The following TGFB2 variants were observed in gnomAD, a reference collection of about 807,000 sequenced individuals.
TGFB2 encodes transforming growth factor beta 2, also known as transforming growth factor beta-2 proprotein.
TGFB2 carries 13 observed loss-of-function variants against 42.7 expected under a neutral mutation model. That is an observed-to-expected ratio of 0.30 (90% CI 0.20 to 0.48). The LOEUF (loss-of-function observed/expected upper bound fraction) is 0.48. Ranked by LOEUF, TGFB2 falls within the 20% of genes least tolerant of loss-of-function variation. The pLI, the probability that TGFB2 is intolerant of heterozygous loss-of-function variation, is 0.99. For missense variants in TGFB2, 390 were observed against 517.5 expected, an observed-to-expected ratio of 0.75 and a Z score of 2.39; for synonymous variants, 193 against 193.6, an observed-to-expected ratio of 1.00 and a Z score of 0.03.
At chr1:218,386,234 C>G (rs987038771) in intron 1 of TGFB2, among the ~76,000 whole-genome samples, 4 of 152,186 alleles carry the variant, frequency 2.6e-5, no homozygotes, top group Non-Finnish European at 5.9e-5. Context: ...CTTTCTGTTT[C>G]AGCTGTATAC....
chr1:218,346,368 A>G lies in TGFB2; in HGVS notation c.-334A>G. 1 of 219,542 alleles carries G rather than the reference A, an allele frequency of 4.6e-6. No homozygotes were observed. The allele number at this position is 219,542 out of a possible 1,614,324, so 13.6% of individuals were successfully genotyped here. A position where few individuals can be genotyped will look rare whatever the true frequency, so the allele number is the denominator to read the frequency against. ...ACTGAACTCCACTTCCTCCTCTTAA[A>G]TTTATTTCTACTTAATAGCCACTCG... On this transcript the variant is annotated 5_prime_UTR_variant, in exon 1 of 7. Coordinates refer to ENST00000366930, the MANE Select transcript of TGFB2 (RefSeq NM_003238.6). The surrounding 1 kb of genome is among the most constrained non-coding windows in gnomAD (Gnocchi z 4.9).
intron 2 of TGFB2, among the ~76,000 whole-genome samples, chr1:218,428,972 C>CTTTT (rs34950123): frequency 0.011 from 1,060 of 95,878 alleles, 52 homozygotes; most frequent in Middle Eastern, 0.035. Context: ...CCATGAGCAT[C>CTTTT]TTTTTTTTTT....
At chr1:218,361,067 C>T (rs749153661) in intron 1 of TGFB2, among the ~76,000 whole-genome samples, 4 of 152,216 alleles carry the variant, frequency 2.6e-5, no homozygotes, top group Non-Finnish European at 4.4e-5. Flanking sequence ...ATTGGCCAGG[C>T]TGGTCTCAAA....
chr1:218,430,269 C>T (rs1659764498), intron 2 of TGFB2, among the ~76,000 whole-genome samples: 2 of 152,014 alleles, frequency 1.3e-5, no homozygotes, highest in African/African-American at 4.8e-5. Context: ...GTGGCGCACA[C>T]CTGTAGTCCC....
intron 1 of TGFB2, among the ~76,000 whole-genome samples, chr1:218,367,323 A>C (rs932490180): frequency 6.6e-6 from 1 of 152,162 alleles, no homozygotes; most frequent in Non-Finnish European, 1.5e-5. Context: ...AAACTTTACT[A>C]TCTCAGCCAA....
chr1:218,364,614 G>T (rs1371995385), intron 1 of TGFB2, among the ~76,000 whole-genome samples: 1 of 152,162 alleles, frequency 6.6e-6, no homozygotes, highest in Non-Finnish European at 1.5e-5. Context: ...AGAGACAAAA[G>T]AAATGTTTTT....
chr1:218,408,853 TA>T (rs1659001862), intron 2 of TGFB2, among the ~76,000 whole-genome samples: 1 of 152,180 alleles, frequency 6.6e-6, no homozygotes, highest in Non-Finnish European at 1.5e-5. Flanking sequence ...GCATTACTTT[TA>T]TTGTGCACTT....
chr1:218,403,616 A>G (rs771403758), intron 1 of TGFB2, among the ~76,000 whole-genome samples: 2 of 152,234 alleles, frequency 1.3e-5, no homozygotes, highest in African/African-American at 2.4e-5. Context: ...ATGACCAACT[A>G]TGCAAACGGG....
intron 2 of TGFB2, among the ~76,000 whole-genome samples, chr1:218,421,521 G>A (rs555377310): frequency 8.5e-5 from 13 of 152,074 alleles, no homozygotes; most frequent in Non-Finnish European, 1.6e-4. Context: ...ATACTCTGTG[G>A]GGGTAATAAG....
chr1:218,424,887 A>G (rs1659571032), intron 2 of TGFB2, among the ~76,000 whole-genome samples: 1 of 152,252 alleles, frequency 6.6e-6, no homozygotes, highest in African/African-American at 2.4e-5. Context: ...GGTTCTGTAT[A>G]TCTCCATATT....
At position 218,368,043 on chromosome 1, in the gene TGFB2, C is replaced by T. The variant is rs1657444870; in HGVS notation, c.346+20996C>T. Among the ~76,000 whole-genome samples, 3 of 152,172 alleles carry T rather than the reference C, an allele frequency of 2.0e-5. No homozygotes were observed. The South Asian group carries it at 6.2e-4, about 31-fold the overall frequency. On this transcript the variant is annotated intron_variant, in intron 1 of 6. Transcript: ENST00000366930. ...GTCTCGATCTCTTGACCTCGTGATC[C>T]GCCTGCCTCAGCCTCCCAAAGTGCT... is the stretch of plus-strand genomic sequence containing the variant.
At chr1:218,395,600 CTTTTCT>C (rs1658480509) in intron 1 of TGFB2, among the ~76,000 whole-genome samples, 1 of 147,248 alleles carries the variant, frequency 6.8e-6, no homozygotes, top group African/African-American at 2.6e-5. Flanking sequence ...GATTTATTTT[CTTTTCT>C]TTTTCTTTTT....
intron 1 of TGFB2, among the ~76,000 whole-genome samples, chr1:218,356,483 T>C (rs573455767): frequency 2.4e-4 from 36 of 152,310 alleles, no homozygotes; most frequent in African/African-American, 7.7e-4. Flanking sequence ...CCTTCTAAAG[T>C]GCTGGGATCA....
At chr1:218,357,856 G>GA (rs1490390552) in intron 1 of TGFB2, among the ~76,000 whole-genome samples, 1 of 152,292 alleles carries the variant, frequency 6.6e-6, no homozygotes, top group East Asian at 1.9e-4. Context: ...CGTTTCTGAA[G>GA]AAAAAGTCAT....
chr1:218,361,465 G>A (rs1657207810), intron 1 of TGFB2, among the ~76,000 whole-genome samples: 1 of 152,058 alleles, frequency 6.6e-6, no homozygotes, highest in South Asian at 2.1e-4. Context: ...GGGTGACCTT[G>A]GGATCTGAAT....
chr1:218,438,934 C>T (rs915994502), intron 6 of TGFB2, among the ~76,000 whole-genome samples: 6 of 151,976 alleles, frequency 3.9e-5, no homozygotes, highest in African/African-American at 7.2e-5. Context: ...TGATGAAACC[C>T]CGTCTCTACT....
At chr1:218,382,699 C>T (rs1658004222) in intron 1 of TGFB2, among the ~76,000 whole-genome samples, 1 of 152,140 alleles carries the variant, frequency 6.6e-6, no homozygotes, top group Admixed American at 6.5e-5. Flanking sequence ...GATTTTCTAT[C>T]ACTTGAAATC....
At chr1:218,350,948 G>C (rs1446582064) in intron 1 of TGFB2, among the ~76,000 whole-genome samples, 1 of 152,234 alleles carries the variant, frequency 6.6e-6, no homozygotes, top group Non-Finnish European at 1.5e-5. Context: ...CTACCATTTT[G>C]AAGTAGATAC....
intron 1 of TGFB2, among the ~76,000 whole-genome samples, chr1:218,373,825 A>G (rs1371978422): frequency 6.6e-6 from 1 of 152,236 alleles, no homozygotes; most frequent in African/African-American, 2.4e-5. Context: ...ATAAAAGGAA[A>G]AAAAAGACAA....
Sources: allele counts gnomAD v4.1 joint callset (sites outside exome capture counted in the v4.1 genomes callset), GRCh38; gene constraint gnomAD v4.1.1; non-coding constraint Gnocchi (gnomAD v3.1); transcripts MANE v1.5; gene names NCBI Gene and HGNC (gene_info 2026-07-23, HGNC 2026-07-21).